WRN: variants seen among roughly 807,000 people sequenced by gnomAD.
WRN encodes the protein WRN RecQ like helicase, also known as bifunctional 3'-5' exonuclease/ATP-dependent helicase WRN.
In WRN, 149 loss-of-function variants were observed where a neutral mutation model predicts 180.7. The ratio of observed to expected loss-of-function variants is 0.82; its 90% CI spans 0.72 to 0.94. The LOEUF is 0.94. Among genes scored for constraint, WRN ranks in the 40% least tolerant of loss-of-function variants. The pLI, the probability that WRN is intolerant of heterozygous loss-of-function variation, is 0.00. For synonymous variants in WRN, 548 were observed against 568.9 expected, an observed-to-expected ratio of 0.96 and a Z score of 0.52; for missense variants, 1,661 against 1,700.1, an observed-to-expected ratio of 0.98 and a Z score of 0.40.
At chr8:31,145,559 T>G (rs1037094074) in intron 28 of WRN, among the ~76,000 whole-genome samples, 3 of 152,208 alleles carry the variant, frequency 2.0e-5, no homozygotes, top group African/African-American at 7.2e-5. Flanking sequence ...ACAAGGAGAC[T>G]AACGTTGTTT....
intron 27 of WRN, among the ~76,000 whole-genome samples, chr8:31,143,076 C>T (rs987486923): frequency 6.9e-6 from 1 of 145,820 alleles, no homozygotes; most frequent in Non-Finnish European, 1.5e-5. Context: ...CTCTCTCTCA[C>T]ACACACACAC....
At position 31,090,824 on chromosome 8, in the gene WRN, T is replaced by C; in HGVS notation, c.1721-10T>C. On this transcript the variant is annotated splice_polypyrimidine_tract_variant and intron_variant, in intron 14 of 34. Transcript: ENST00000298139. ...TTTTCATTTTATTTTTATATTTTTT[T>C]CATTTCAAGGATATGGAAAGAGTTT... The C allele has an allele frequency of 6.3e-7, 1 of 1,589,446 alleles. No individual in the cohort carries two copies. Among genetic ancestry groups the C allele is most frequent in the Non-Finnish European group, 8.6e-7 (1 of 1,165,362 alleles).
rs555421676 is a variant in WRN at position 31,111,006 on chromosome 8, A to G, written c.2089-609A>G. On this transcript the variant is annotated intron_variant, in intron 18 of 34. Coordinates refer to ENST00000298139, the MANE Select transcript of WRN (RefSeq NM_000553.6). ...CCAATCCAGTCAAGAAGCCTTTGCT[A>G]GCAATCAATTAATAATACGTTTCAT... Among the ~76,000 whole-genome samples the G allele has an allele frequency of 2.6e-5, 4 of 152,324 alleles. No homozygotes were observed. The East Asian group carries it at 5.8e-4, about 22-fold the overall frequency.
At chr8:31,129,584 CACTT>C (rs915784339) in intron 23 of WRN, among the ~76,000 whole-genome samples, 3 of 151,766 alleles carry the variant, frequency 2.0e-5, no homozygotes, top group African/African-American at 4.9e-5. Context: ...TTAAAAATAA[CACTT>C]AAATAATTCA....
chr8:31,041,388 T>C (rs566524679), intron 1 of WRN, among the ~76,000 whole-genome samples: 1 of 152,252 alleles, frequency 6.6e-6, no homozygotes, highest in East Asian at 1.9e-4. Context: ...CCCACCCACA[T>C]TAGGGAGGGC....
At position 31,067,185 on chromosome 8, in the gene WRN, A is replaced by G. The variant is rs907937476; in HGVS notation, c.654+3A>G. The G allele has an allele frequency of 1.9e-6, 3 of 1,613,322 alleles. No individual in the cohort carries two copies. The highest frequency in any genetic ancestry group is 2.5e-6 in the Non-Finnish European group (3 of 1,179,882). On this transcript the variant is annotated splice_donor_region_variant and intron_variant, in intron 6 of 34. Transcript: ENST00000298139. ...TGTATGCAGCCACTGATGCTTATGTACGTGCTTAAAGATCTTTAGAAATTG... is the reference window on the plus strand; with the variant it reads ...TGTATGCAGCCACTGATGCTTATGTGCGTGCTTAAAGATCTTTAGAAATTG...
intron 20 of WRN, among the ~76,000 whole-genome samples, chr8:31,117,599 A>G (rs979007921): frequency 3.3e-5 from 5 of 152,124 alleles, no homozygotes; most frequent in African/African-American, 4.8e-5. Context: ...CACTGTAACT[A>G]TAAGTCCGAG....
At chr8:31,148,770 A>C (rs1032698965) in intron 30 of WRN, among the ~76,000 whole-genome samples, 4 of 152,212 alleles carry the variant, frequency 2.6e-5, no homozygotes, top group Non-Finnish European at 5.9e-5. Context: ...AGCACTTACC[A>C]CACAATGCTA....
At chr8:31,036,400 C>T (rs184380817) in intron 1 of WRN, among the ~76,000 whole-genome samples, 2 of 152,260 alleles carry the variant, frequency 1.3e-5, no homozygotes, top group African/African-American at 4.8e-5. Flanking sequence ...ATTTGCTGGA[C>T]CCGCTTGTAG....
chr8:31,089,920 C>T (rs1254729151), intron 13 of WRN, among the ~76,000 whole-genome samples: 1 of 151,900 alleles, frequency 6.6e-6, no homozygotes, highest in African/African-American at 2.4e-5. Flanking sequence ...TCGAGGACAC[C>T]ATTACACTTC....
intron 9 of WRN, among the ~76,000 whole-genome samples, chr8:31,083,175 A>G (rs4037087): frequency 7.9e-5 from 12 of 152,314 alleles, no homozygotes; most frequent in Middle Eastern, 3.4e-3. Context: ...AACATTGGCA[A>G]TAGACTGAAT....
chr8:31,081,260 A>G lies in WRN; in HGVS notation c.1233A>G (p.Glu411=), dbSNP rs2130121452. Residue 411 remains glutamate, a synonymous_variant, in exon 9 of 35, where the codon GAA becomes GAG. Coordinates refer to ENST00000298139, the MANE Select transcript of WRN (RefSeq NM_000553.6). The stretch of plus-strand genomic sequence containing the variant: ...AAATTTTGGAACAGCAGTCTCAGGA[A>G]GAATATCTTAGTGATATTGCTTATA... ...ELQILEQQSQ[E]EYLSDIAYKS... is the part of the protein sequence containing the mutation. The G allele has an allele frequency of 2.5e-6, 4 of 1,613,248 alleles. No homozygotes were observed. The highest frequency in any genetic ancestry group is 2.7e-5 in the African/African-American group (2 of 75,030).
intron 15 of WRN, 45 bp downstream of exon 15, chr8:31,090,987 T>G: frequency 7.0e-7 from 1 of 1,418,922 alleles, no homozygotes; most frequent in Non-Finnish European, 1.0e-6. Flanking sequence ...CTTTTTTTCT[T>G]CTGTGGGTGA....
chr8:31,149,981 G>C (rs1198006214), intron 30 of WRN, among the ~76,000 whole-genome samples: 1 of 152,056 alleles, frequency 6.6e-6, no homozygotes, highest in Non-Finnish European at 1.5e-5. Context: ...TAGCCTCTTA[G>C]TTGTTCCCAG....
At chr8:31,064,084 T>A (rs1812598317) in intron 3 of WRN, among the ~76,000 whole-genome samples, 1 of 152,192 alleles carries the variant, frequency 6.6e-6, no homozygotes, top group Non-Finnish European at 1.5e-5. Flanking sequence ...CATATTTTTC[T>A]CCATTTTTCT....
At chr8:31,168,589 T>A (rs752428521) in intron 34 of WRN, among the ~76,000 whole-genome samples, 1 of 151,870 alleles carries the variant, frequency 6.6e-6, no homozygotes, top group Non-Finnish European at 1.5e-5. Context: ...TTTGGCCCCT[T>A]TTCCCCATTT....
intron 1 of WRN, among the ~76,000 whole-genome samples, chr8:31,054,099 A>G (rs1044790961): frequency 6.6e-6 from 1 of 152,138 alleles, no homozygotes; most frequent in Non-Finnish European, 1.5e-5. Flanking sequence ...GCTTTTTTGT[A>G]GTGGTTGCTA....
At chr8:31,067,987 T>TTCCA in intron 6 of WRN, among the ~76,000 whole-genome samples, 1 of 152,328 alleles carries the variant, frequency 6.6e-6, no homozygotes, top group South Asian at 2.1e-4. Flanking sequence ...TTTTGTTAGA[T>TTCCA]TCCATTTTAA....
chr8:31,036,806 A>G (rs1811468244), intron 1 of WRN, among the ~76,000 whole-genome samples: 1 of 152,150 alleles, frequency 6.6e-6, no homozygotes, highest in African/African-American at 2.4e-5. Flanking sequence ...CCGATTCTGT[A>G]GATTCTGTCT....
Sources: allele counts gnomAD v4.1 joint callset (sites outside exome capture counted in the v4.1 genomes callset), GRCh38; gene constraint gnomAD v4.1.1; transcripts MANE v1.5; gene names NCBI Gene and HGNC (gene_info 2026-07-23, HGNC 2026-07-21).